Variants in IGSF10 observed in about 807,000 individuals in gnomAD.
IGSF10 encodes the protein calvaria mechanical force protein 608.
In IGSF10, 126 loss-of-function variants were observed where a neutral mutation model predicts 128.2. The observed-to-expected ratio is 0.98, with a 90% CI of 0.85 to 1.14. The LOEUF is 1.14. Among genes scored for constraint, IGSF10 ranks in the 50% most tolerant of loss-of-function variants. The pLI, the probability that IGSF10 is intolerant of heterozygous loss-of-function variation, is 0.00. For synonymous variants in IGSF10, 1,185 were observed against 1,146.2 expected (o/e 1.03, Z -0.68); for missense variants, 3,295 against 3,149.8 (o/e 1.05, Z -1.10).
At chr3:151,574,269 G>T in the IGSF10 span, among the ~76,000 whole-genome samples, 1 of 152,146 alleles carries the variant, frequency 6.6e-6, no homozygotes, top group Admixed American at 6.5e-5. Context: ...GGCCTGCCTT[G>T]CTAGGTTGGG....
At chr3:151,609,129 A>G in the IGSF10 span, among the ~76,000 whole-genome samples, 3 of 152,196 alleles carry the variant, frequency 2.0e-5, no homozygotes, top group African/African-American at 7.2e-5. Context: ...AAAATAAGCC[A>G]GCCATGTAAT....
the IGSF10 span, among the ~76,000 whole-genome samples, chr3:151,555,685 G>GT: frequency 6.6e-6 from 1 of 152,150 alleles, no homozygotes; most frequent in South Asian, 2.1e-4. Flanking sequence ...AGGAACAAAT[G>GT]TAAGAAGACA....
At chr3:151,619,691 C>T in the IGSF10 span, among the ~76,000 whole-genome samples, 43 of 151,960 alleles carry the variant, frequency 2.8e-4, no homozygotes, top group African/African-American at 1.0e-3. Context: ...AGGCTTGATC[C>T]CCACTGCGGC....
At chr3:151,601,568 G>C in the IGSF10 span, among the ~76,000 whole-genome samples, 5 of 152,286 alleles carry the variant, frequency 3.3e-5, no homozygotes, top group South Asian at 1.0e-3. Flanking sequence ...TTGATGACTA[G>C]ACTGCTTTAC....
chr3:151,619,429 A>AGT, the IGSF10 span, among the ~76,000 whole-genome samples: 1 of 101,992 alleles, frequency 9.8e-6, no homozygotes, highest in African/African-American at 3.7e-5. Flanking sequence ...AATTACTTTT[A>AGT]ATGTGTGTGT....
chr3:151,519,046 A>G, the IGSF10 span, among the ~76,000 whole-genome samples: 1 of 151,924 alleles, frequency 6.6e-6, no homozygotes, highest in Non-Finnish European at 1.5e-5. Context: ...TGCCAAGAAA[A>G]TGAAATGGTT....
the IGSF10 span, among the ~76,000 whole-genome samples, chr3:151,485,234 A>G: frequency 6.6e-6 from 1 of 152,158 alleles, no homozygotes; most frequent in Admixed American, 6.5e-5. Context: ...AAATAAAGCA[A>G]GAAGACATGA....
chr3:151,562,199 A>G, the IGSF10 span, among the ~76,000 whole-genome samples: 2 of 152,106 alleles, frequency 1.3e-5, no homozygotes, highest in South Asian at 4.1e-4. Flanking sequence ...AATGAGAGTG[A>G]CCTCTGGTCT....
chr3:151,508,363 T>C, the IGSF10 span, among the ~76,000 whole-genome samples: 5 of 152,154 alleles, frequency 3.3e-5, no homozygotes, highest in African/African-American at 1.2e-4. Context: ...AAAATAAAAT[T>C]TGGTTCTCTC....
chr3:151,445,884 G>C lies in IGSF10; in HGVS notation c.4097C>G (p.Ser1366Cys). 1 of 1,614,228 alleles carries C rather than the reference G, an allele frequency of 6.2e-7. No homozygotes were observed. Among genetic ancestry groups the C allele is most frequent in the Non-Finnish European group, 8.5e-7 (1 of 1,180,038 alleles). Reference protein sequence around the residue: ...TDPNISPDQSSGFTTPTAMTP... With the variant: ...TDPNISPDQSCGFTTPTAMTP... ...CATAGCAGTGGGTGTAGTGAAGCCA[G>C]AACTCTGGTCTGGAGAGATGTTTGG... The change falls in exon 6 of 8, where the codon TCT becomes TGT. Residue 1366 changes from serine to cysteine, a missense_variant. By Grantham distance (112) the Ser-to-Cys change is moderately radical. Transcript: ENST00000282466.
the IGSF10 span, among the ~76,000 whole-genome samples, chr3:151,608,033 T>G: frequency 6.6e-6 from 1 of 151,792 alleles, no homozygotes; most frequent in East Asian, 1.9e-4. Flanking sequence ...ACTATAAATG[T>G]CCTGTGGTCT....
rs770562795 is a variant in IGSF10, at chr3:151,448,013, C to A, written c.1968G>T (p.Leu656Phe). The A allele has an allele frequency of 2.5e-6, 4 of 1,613,952 alleles. No individual in the cohort carries two copies. The highest frequency in any genetic ancestry group is 3.4e-6 in the Non-Finnish European group (4 of 1,179,972). Residue 656 changes from leucine (L) to phenylalanine (F), a missense_variant, in exon 6 of 8, where the codon TTG becomes TTT. Physicochemically the swap from Leu to Phe is conservative, Grantham distance 22. Coordinates refer to ENST00000282466, the MANE Select transcript of IGSF10 (RefSeq NM_178822.5). ...TCATCTTGACTGAAACTTGGAAAAT[C>A]AAAAAATCAACCCCTGATGGGTTGG... ...VAANPSGVDF[L>F]IFQVSVKMKG... is the part of the protein sequence containing the mutation.
At chr3:151,434,574 T>C (rs1234845927), downstream of IGSF10, 1 of 152,262 alleles carries the variant, frequency 6.6e-6, no homozygotes, top group African/African-American at 2.4e-5. Context: ...ATCAGATTTT[T>C]TCCTCTCAAG....
the IGSF10 span, among the ~76,000 whole-genome samples, chr3:151,485,229 A>C: frequency 2.0e-5 from 3 of 152,174 alleles, no homozygotes; most frequent in South Asian, 2.1e-4. Flanking sequence ...GAATAAAATA[A>C]AGCAAGAAGA....
In IGSF10 at chr3:151,448,954, T is replaced by C. The variant is rs1721374106; in HGVS notation, c.1027A>G (p.Ile343Val). 6 of 1,614,206 alleles carry C rather than the reference T, an allele frequency of 3.7e-6. No homozygotes were observed. Among genetic ancestry groups the C allele is most frequent in the Non-Finnish European group, 5.1e-6 (6 of 1,180,008 alleles). Residue 343 changes from isoleucine to valine, a missense_variant, in exon 6 of 8, where the codon ATT becomes GTT. Transcript: ENST00000282466. ...SIQKPSRTSPIAFTEENDYIV... is the reference protein window; with the variant it reads ...SIQKPSRTSPVAFTEENDYIV... Reference sequence around the variant, plus strand: ...TAGTCATTTTCTTCAGTGAATGCAATGGGTGATGTCCTTGAGGGCTTTTGA... The same window carrying C: ...TAGTCATTTTCTTCAGTGAATGCAACGGGTGATGTCCTTGAGGGCTTTTGA...
chr3:151,545,973 A>G, the IGSF10 span, among the ~76,000 whole-genome samples: 1 of 151,916 alleles, frequency 6.6e-6, no homozygotes, highest in African/African-American at 2.4e-5. Context: ...CCTGGTTTTT[A>G]CATTTTTAAA....
chr3:151,453,751 T>C lies in IGSF10; in HGVS notation c.348A>G (p.Lys116=). 6.4e-7 allele frequency: 1 copy of C among 1,565,752 alleles called. No individual in the cohort carries two copies. The highest frequency in any genetic ancestry group is 1.2e-5 in the South Asian group (1 of 83,954). The change falls in exon 5 of 8, where the codon AAA becomes AAG. Residue 116 remains lysine, a synonymous_variant. Transcript: ENST00000282466. ...ALQVLKMSYN[K]VRKLQKDTFY... ...AAGTATCTTTCTGAAGTTTTCGGAC[T>C]TTATTATAGCTCATTTTTAAGACCT... is the stretch of plus-strand genomic sequence containing the variant.
At chr3:151,480,448 G>A in the IGSF10 span, among the ~76,000 whole-genome samples, 22 of 152,132 alleles carry the variant, frequency 1.4e-4, no homozygotes, top group African/African-American at 5.1e-4. Context: ...AAGCCCAGCC[G>A]AGAGAGCTCC....
At chr3:151,463,557 T>G (rs1326769992), upstream of IGSF10, among the ~76,000 whole-genome samples, 1 of 112,704 alleles carries the variant, frequency 8.9e-6, no homozygotes, top group Non-Finnish European at 1.8e-5. Flanking sequence ...TTTTTTTTTT[T>G]TTTTCTGAGA....
Sources: allele counts gnomAD v4.1 joint callset (sites outside exome capture counted in the v4.1 genomes callset), GRCh38; gene constraint gnomAD v4.1.1; transcripts MANE v1.5; gene names NCBI Gene and HGNC (gene_info 2026-07-23, HGNC 2026-07-21).